CLPTM1: variants seen among roughly 807,000 people sequenced by gnomAD.
The protein encoded by CLPTM1 is putative lipid scramblase CLPTM1.
In CLPTM1, 21 loss-of-function variants were observed where a neutral mutation model predicts 77.3. That is an observed-to-expected ratio of 0.27 (90% CI 0.19 to 0.39). The LOEUF is 0.39. CLPTM1 is among the 10% of genes least tolerant of loss of function. The probability of loss-of-function intolerance (pLI) is 1.00; values close to 1 mark genes in which losing one functional copy is unlikely to be tolerated. For missense variants in CLPTM1, 642 were observed against 921.2 expected (o/e 0.70, Z 3.92); for synonymous variants, 373 against 381.0 (o/e 0.98, Z 0.24).
rs1243022121 is a variant in CLPTM1, at chr19:44,992,711, C to T, written c.1824C>T (p.Ala608=). 5.6e-6 allele frequency: 9 copies of T among 1,613,460 alleles called. No homozygotes were observed. The highest frequency in any genetic ancestry group is 1.6e-4 in the Middle Eastern group (1 of 6,084). The change falls in exon 14 of 14, where the codon GCC becomes GCT. Residue 608 remains alanine (A), a synonymous_variant. Transcript: ENST00000337392. This position sits in a 1 kb window ranked among gnomAD's most constrained non-coding sequence, Gnocchi z 7.7. ...TGAGTGGAGAAGACCCCACAGCTGC[C>T]GCCCCCGTGGCCGAGGTTCCCACAG... ...FGMSGEDPTA[A]APVAEVPTAA... is the part of the protein sequence containing the mutation.
intron 4 of CLPTM1, 23 bp from the exon 5 acceptor site, chr19:44,977,320 A>T: frequency 6.3e-7 from 1 of 1,589,434 alleles, no homozygotes; most frequent in Non-Finnish European, 8.6e-7. Context: ...CAGCCTGCCC[A>T]CCTGACCTTC....
intron 1 of CLPTM1, 71 bp downstream of exon 1, chr19:44,955,538 C>T (rs1970448901): frequency 8.1e-7 from 1 of 1,227,382 alleles, no homozygotes; most frequent in Non-Finnish European, 1.0e-6. Context: ...CGTGTCCTAC[C>T]TCTTGTCACG....
upstream of CLPTM1, chr19:44,955,105 C>A: frequency 6.5e-7 from 1 of 1,535,610 alleles, no homozygotes; most frequent in Non-Finnish European, 8.7e-7. Flanking sequence ...TGTGAAGGGA[C>A]GGAAGGGACA....
chr19:44,979,410 G>A (rs1418994895), intron 5 of CLPTM1, among the ~76,000 whole-genome samples: 4 of 152,072 alleles, frequency 2.6e-5, no homozygotes, highest in South Asian at 2.1e-4. Flanking sequence ...TTCTTCTAAC[G>A]GGAGTTCTGT....
chr19:44,990,441 G>A lies in CLPTM1; in HGVS notation c.1179G>A (p.Val393=). The change falls in exon 10 of 14, where the codon GTG becomes GTA. Residue 393 remains valine (V), a synonymous_variant. Transcript: ENST00000337392. The surrounding 1 kb of genome is among the most constrained non-coding windows in gnomAD (Gnocchi z 4.8). ...GGCAGTCCCTGGAGGGCCTGTCCGTGCGCTCCGTCTTCTTCGGCGTTTTCC... is the reference window on the plus strand; with the variant it reads ...GGCAGTCCCTGGAGGGCCTGTCCGTACGCTCCGTCTTCTTCGGCGTTTTCC... ...NSRQSLEGLS[V]RSVFFGVFQS... 1.2e-6 allele frequency: 2 copies of A among 1,614,084 alleles called. No individual in the cohort carries two copies. The highest frequency in any genetic ancestry group is 1.7e-6 in the Non-Finnish European group (2 of 1,179,986).
chr19:44,989,489 C>T (rs568713050), intron 9 of CLPTM1, among the ~76,000 whole-genome samples: 9 of 150,508 alleles, frequency 6.0e-5, no homozygotes, highest in African/African-American at 1.9e-4. Context: ...CCATTCTTCT[C>T]AGTTGGGACA....
rs188659018 is a variant in CLPTM1, at chr19:44,969,316, A to G, written c.186-3771A>G. On this transcript the variant is annotated intron_variant, in intron 2 of 13. Transcript: ENST00000337392. ...GACCACTGAGGTCACAGTAAGTAGC[A>G]GAGCTGGGCTTCAGATGAAGATACT... 1.8e-3 allele frequency among the ~76,000 whole-genome samples: 277 copies of G among 152,318 alleles called. 4 individuals carry two copies. In the East Asian group the frequency reaches 0.043, roughly 24 times the overall value.
At chr19:44,955,528 C>T in intron 1 of CLPTM1, 61 bp downstream of exon 1, 2 of 1,226,280 alleles carry the variant, frequency 1.6e-6, no homozygotes, top group Non-Finnish European at 1.0e-6. Context: ...TCCCACGGGG[C>T]GTGTCCTACC....
chr19:44,986,782 G>A lies in CLPTM1; in HGVS notation c.793+207G>A, dbSNP rs765760265. 1.1e-4 allele frequency: 64 copies of A among 594,162 alleles called. 1 individual carries two copies. The highest frequency in any genetic ancestry group is 6.7e-4 in the South Asian group (29 of 43,180). The allele number at this position is 594,162 out of a possible 1,614,324, so 36.8% of individuals were successfully genotyped here. A position where few individuals can be genotyped will look rare whatever the true frequency, so the allele number is the denominator to read the frequency against. On this transcript the variant is annotated intron_variant, in intron 7 of 13. Transcript: ENST00000337392. ...GGGACCCCAGGACTGACTTCTACAC[G>A]CCAGCATCGGTCCGCAATCAAGTGC...
At chr19:44,979,843 G>A (rs767108486) in intron 5 of CLPTM1, among the ~76,000 whole-genome samples, 69 of 152,294 alleles carry the variant, frequency 4.5e-4, no homozygotes, top group Non-Finnish European at 7.8e-4. Flanking sequence ...AGGGGGATAC[G>A]TCAGGGGTCT....
intron 4 of CLPTM1, 24 bp from the exon 5 acceptor site, chr19:44,977,319 C>T (rs1970820089): frequency 1.3e-6 from 2 of 1,583,704 alleles, no homozygotes; most frequent in African/African-American, 2.7e-5. Flanking sequence ...CCAGCCTGCC[C>T]ACCTGACCTT....
rs926786653 is a variant in CLPTM1, at chr19:44,992,461, G to C, written c.1723+61G>C. 7.2e-5 allele frequency: 116 copies of C among 1,606,384 alleles called. No individual in the cohort carries two copies. The highest frequency in any genetic ancestry group is 9.6e-5 in the Non-Finnish European group (113 of 1,174,654). On this transcript the variant is annotated intron_variant, in intron 13 of 13. Transcript: ENST00000337392. This position sits in a 1 kb window ranked among gnomAD's most constrained non-coding sequence, Gnocchi z 7.7. ...AACAGGGCCCTGAGGCAGTCTTTAGGGCCCAGGCCTGAGGGGGTGCCACGG... is the reference window on the plus strand; with the variant it reads ...AACAGGGCCCTGAGGCAGTCTTTAGCGCCCAGGCCTGAGGGGGTGCCACGG...
In CLPTM1 at chr19:44,992,973, T is replaced by C. The variant is rs572650601; in HGVS notation, c.*76T>C. On this transcript the variant is annotated 3_prime_UTR_variant, in exon 14 of 14. Coordinates refer to ENST00000337392, the MANE Select transcript of CLPTM1 (RefSeq NM_001294.4). The surrounding 1 kb of genome is among the most constrained non-coding windows in gnomAD (Gnocchi z 7.7). ...TCCCGGCCCCCTCGCCTCCCCTCCC[T>C]GTCGCCCTTTCCCTGGACAGATCAG... 18 of 1,512,326 alleles carry C rather than the reference T, an allele frequency of 1.2e-5. No individual in the cohort carries two copies. The South Asian group carries it at 2.1e-4, about 18-fold the overall frequency. 93.7% of individuals were successfully genotyped at this position (1,512,326 alleles called of 1,614,324 possible).
rs796695555 is a variant in CLPTM1 at position 44,974,325 on chromosome 19, G to A, written c.310-114G>A. 4.0e-5 allele frequency: 41 copies of A among 1,013,824 alleles called. 1 individual carries two copies. In the African/African-American group the frequency reaches 6.4e-4, roughly 16 times the overall value. 62.8% of individuals were successfully genotyped at this position (1,013,824 alleles called of 1,614,324 possible). ...CTGCTCTTCCTCTCTCCTCTCCCCTGTCCTCCATAATTACTGTTCCCCTGA... is the reference window on the plus strand; with the variant it reads ...CTGCTCTTCCTCTCTCCTCTCCCCTATCCTCCATAATTACTGTTCCCCTGA... On this transcript the variant is annotated intron_variant, in intron 3 of 13. Transcript: ENST00000337392.
At chr19:44,966,756 G>C (rs1460177169) in intron 2 of CLPTM1, among the ~76,000 whole-genome samples, 1 of 151,736 alleles carries the variant, frequency 6.6e-6, no homozygotes, top group Non-Finnish European at 1.5e-5. Flanking sequence ...CACGCACACA[G>C]ACAATGTTGG....
At chr19:44,973,520 G>T (rs968050352) in intron 3 of CLPTM1, among the ~76,000 whole-genome samples, 1 of 152,174 alleles carries the variant, frequency 6.6e-6, no homozygotes, top group Non-Finnish European at 1.5e-5. Flanking sequence ...GGGTTGCAGA[G>T]GGAGATGTGC....
intron 5 of CLPTM1, among the ~76,000 whole-genome samples, chr19:44,983,474 C>T (rs1195048976): frequency 1.3e-5 from 2 of 150,188 alleles, no homozygotes; most frequent in African/African-American, 2.5e-5. Context: ...CAAAATTAGC[C>T]GGGCGTGGTG....
intron 5 of CLPTM1, among the ~76,000 whole-genome samples, chr19:44,981,427 C>CA (rs1349893995): frequency 1.3e-5 from 2 of 151,804 alleles, no homozygotes; most frequent in African/African-American, 2.4e-5. Flanking sequence ...AGGCGTGAGC[C>CA]AAAAAATTTT....
At chr19:44,968,515 C>T (rs562382681) in intron 2 of CLPTM1, among the ~76,000 whole-genome samples, 1 of 152,324 alleles carries the variant, frequency 6.6e-6, no homozygotes, top group African/African-American at 2.4e-5. Flanking sequence ...TTTGCTTACT[C>T]AAGTACATCA....
Sources: allele counts gnomAD v4.1 joint callset (sites outside exome capture counted in the v4.1 genomes callset), GRCh38; gene constraint gnomAD v4.1.1; non-coding constraint Gnocchi (gnomAD v3.1); transcripts MANE v1.5; gene names NCBI Gene and HGNC (gene_info 2026-07-23, HGNC 2026-07-21).